The following CTNNA2 variants were observed in gnomAD, a reference collection of about 807,000 sequenced individuals.
CTNNA2 encodes catenin alpha-2.
In CTNNA2, 42 loss-of-function variants were observed where a neutral mutation model predicts 101.0. That is an observed-to-expected ratio of 0.42 (90% CI 0.32 to 0.54). The LOEUF (loss-of-function observed/expected upper bound fraction) is 0.54. Ranked by LOEUF, CTNNA2 falls within the 20% of genes least tolerant of loss-of-function variation. The probability of loss-of-function intolerance (pLI) is 0.14; values close to 1 mark genes in which losing one functional copy is unlikely to be tolerated. For missense variants in CTNNA2, 871 were observed against 1,223.1 expected (o/e 0.71, Z 4.29); for synonymous variants, 450 against 456.4 (o/e 0.99, Z 0.18).
intron 3 of CTNNA2, among the ~76,000 whole-genome samples, chr2:79,369,130 C>A (rs1483398521): frequency 6.6e-6 from 1 of 152,122 alleles, no homozygotes; most frequent in Non-Finnish European, 1.5e-5. Context: ...CCACTGGGAG[C>A]TGTTGGCAAT....
intron 1 of CTNNA2, among the ~76,000 whole-genome samples, chr2:79,643,070 A>T (rs184052357): frequency 6.6e-6 from 1 of 152,216 alleles, no homozygotes; most frequent in Non-Finnish European, 1.5e-5. Context: ...ACACGCCTGT[A>T]GTCCAAGCTA....
chr2:80,394,451 G>A (rs1677815347), intron 8 of CTNNA2, among the ~76,000 whole-genome samples: 1 of 152,174 alleles, frequency 6.6e-6, no homozygotes, highest in Non-Finnish European at 1.5e-5. Context: ...CCTTTTGGGG[G>A]AAACATTCCC....
intron 3 of CTNNA2, among the ~76,000 whole-genome samples, chr2:79,752,781 C>G (rs1157081867): frequency 6.6e-6 from 1 of 152,076 alleles, no homozygotes; most frequent in Non-Finnish European, 1.5e-5. Context: ...TAAAGGCAAG[C>G]ACAAAATTAC....
intron 8 of CTNNA2, among the ~76,000 whole-genome samples, chr2:80,411,038 C>T (rs1300283774): frequency 6.6e-6 from 1 of 152,144 alleles, no homozygotes; most frequent in Non-Finnish European, 1.5e-5. Flanking sequence ...TATGGATTTC[C>T]ATATAAACCA....
chr2:80,523,693 C>T (rs1019190751), intron 9 of CTNNA2, among the ~76,000 whole-genome samples: 1 of 151,978 alleles, frequency 6.6e-6, no homozygotes, highest in Non-Finnish European at 1.5e-5. Flanking sequence ...GAGGGGCTGG[C>T]GTCTGTTGTG....
chr2:80,243,277 T>C (rs983830700), intron 7 of CTNNA2, among the ~76,000 whole-genome samples: 1 of 152,230 alleles, frequency 6.6e-6, no homozygotes, highest in Non-Finnish European at 1.5e-5. Flanking sequence ...TATTGGGATA[T>C]AATTGTTATC....
intron 7 of CTNNA2, among the ~76,000 whole-genome samples, chr2:80,216,846 T>C (rs1157835142): frequency 6.6e-6 from 1 of 152,036 alleles, no homozygotes; most frequent in Non-Finnish European, 1.5e-5. Flanking sequence ...TCCATTTTTT[T>C]TTTTTTTTTG....
At position 79,996,186 on chromosome 2, in the gene CTNNA2, A is replaced by G. The variant is rs555564551; in HGVS notation, c.1056+86389A>G. On this transcript the variant is annotated intron_variant, in intron 7 of 18. Coordinates refer to ENST00000402739, the MANE Select transcript of CTNNA2 (RefSeq NM_001282597.3). ...TGTTATTTGACTAAGTCAGAAGCAT[A>G]TGCTATATTGCTAGTTTATTGATGT... Among the ~76,000 whole-genome samples, 3 of 152,334 alleles carry G rather than the reference A, an allele frequency of 2.0e-5. No homozygotes were observed. In the East Asian group the frequency reaches 5.8e-4, roughly 29 times the overall value.
intron 12 of CTNNA2, among the ~76,000 whole-genome samples, chr2:80,563,140 A>C (rs191137285): frequency 1.9e-3 from 292 of 152,074 alleles, no homozygotes; most frequent in Non-Finnish European, 1.6e-3. Context: ...TTGTCACTTC[A>C]AGGACATCAG....
intron 7 of CTNNA2, chr2:80,313,464 T>C: frequency 6.6e-7 from 1 of 1,523,686 alleles, no homozygotes; most frequent in East Asian, 2.4e-5. Context: ...CCAATATTAT[T>C]CATGCTATGG....
chr2:79,541,427 CATAT>C (rs9284785), intron 1 of CTNNA2, among the ~76,000 whole-genome samples: 38,258 of 142,662 alleles, frequency 0.27, 5,371 homozygotes, highest in Non-Finnish European at 0.31. Flanking sequence ...CGCACACACA[CATAT>C]ATATATATAT....
chr2:79,756,971 AT>A (rs1221378443), intron 3 of CTNNA2, among the ~76,000 whole-genome samples: 1 of 152,238 alleles, frequency 6.6e-6, no homozygotes, highest in Non-Finnish European at 1.5e-5. Context: ...CAGATGCAAT[AT>A]GATATAGCCA....
At chr2:80,530,623 T>C (rs945205889) in intron 9 of CTNNA2, among the ~76,000 whole-genome samples, 2 of 152,072 alleles carry the variant, frequency 1.3e-5, no homozygotes, top group Admixed American at 1.3e-4. Context: ...TATGAAGTCA[T>C]ATAAAGAAAG....
chr2:80,486,884 AT>A (rs1260786071), intron 9 of CTNNA2, among the ~76,000 whole-genome samples: 1 of 152,100 alleles, frequency 6.6e-6, no homozygotes, highest in Non-Finnish European at 1.5e-5. Context: ...CCTTTTTCAG[AT>A]CCCGGATCCC....
chr2:80,104,174 G>A (rs568107683), intron 7 of CTNNA2, among the ~76,000 whole-genome samples: 1 of 152,214 alleles, frequency 6.6e-6, no homozygotes, highest in Non-Finnish European at 1.5e-5. Flanking sequence ...GCGCTAGAAT[G>A]TGTTCAAACA....
In CTNNA2 at chr2:80,555,448, C is replaced by T. The variant is rs539965880; in HGVS notation, c.1541-245C>T. ...TTTCTTGGGCTCTACCCCAGACTTA[C>T]TGAATTGGAAACTCTAGGAGTGGCA... is the stretch of plus-strand genomic sequence containing the variant. On this transcript the variant is annotated intron_variant, in intron 11 of 18. Coordinates refer to ENST00000402739, the MANE Select transcript of CTNNA2 (RefSeq NM_001282597.3). Among the ~76,000 whole-genome samples the T allele has an allele frequency of 4.6e-5, 7 of 152,304 alleles. No individual in the cohort carries two copies. In the South Asian group the frequency reaches 1.4e-3, roughly 32 times the overall value.
intron 2 of CTNNA2, among the ~76,000 whole-genome samples, chr2:79,728,599 T>G (rs1028202224): frequency 2.0e-5 from 3 of 152,212 alleles, no homozygotes; most frequent in African/African-American, 7.2e-5. Context: ...ATTTGTCAAT[T>G]TTGGCTTTTG....
At chr2:79,536,307 C>A (rs1032338386) in intron 1 of CTNNA2, among the ~76,000 whole-genome samples, 3 of 152,104 alleles carry the variant, frequency 2.0e-5, no homozygotes, top group African/African-American at 7.2e-5. Flanking sequence ...TATTAAGGTG[C>A]AAGCTGTATG....
At chr2:79,997,887 T>C (rs1041115882) in intron 7 of CTNNA2, among the ~76,000 whole-genome samples, 16 of 152,188 alleles carry the variant, frequency 1.1e-4, no homozygotes, top group African/African-American at 3.9e-4. Context: ...TGGTAGATTA[T>C]GGTGTCCAAC....
Sources: allele counts gnomAD v4.1 joint callset (sites outside exome capture counted in the v4.1 genomes callset), GRCh38; gene constraint gnomAD v4.1.1; transcripts MANE v1.5; gene names NCBI Gene and HGNC (gene_info 2026-07-23, HGNC 2026-07-21).